Variants in VWA8 observed in about 807,000 individuals in gnomAD.
The protein encoded by VWA8 is von Willebrand factor A domain containing 8, also known as von Willebrand factor A domain-containing protein 8.
VWA8 carries 221 observed loss-of-function variants against 241.5 expected under a neutral mutation model. That is an observed-to-expected ratio of 0.91 (90% CI 0.82 to 1.02). The LOEUF is 1.02. VWA8 is among the 50% of genes least tolerant of loss of function. The probability of loss-of-function intolerance (pLI) is 0.00; values close to 1 mark genes in which losing one functional copy is unlikely to be tolerated. For synonymous variants in VWA8, 852 were observed against 827.1 expected (o/e 1.03, Z -0.52); for missense variants, 2,322 against 2,328.7 (o/e 1.00, Z 0.06).
At chr13:41,579,061 G>T (rs2044366895) in intron 42 of VWA8, among the ~76,000 whole-genome samples, 2 of 152,184 alleles carry the variant, frequency 1.3e-5, no homozygotes, top group African/African-American at 4.8e-5. Context: ...AGGACAAAGT[G>T]CTATTAGCAA....
intron 21 of VWA8, among the ~76,000 whole-genome samples, chr13:41,739,852 TTTTTG>T (rs1279937559): frequency 1.7e-5 from 1 of 58,612 alleles, no homozygotes; most frequent in South Asian, 7.1e-4. Flanking sequence ...TTTTTTGTTT[TTTTTG>T]TTTTTTTTTT....
At chr13:41,594,762 T>C (rs549618312) in intron 40 of VWA8, among the ~76,000 whole-genome samples, 58 of 152,208 alleles carry the variant, frequency 3.8e-4, no homozygotes, top group African/African-American at 1.3e-3. Flanking sequence ...CTTAAACAAT[T>C]CAAAAACATT....
intron 21 of VWA8, among the ~76,000 whole-genome samples, chr13:41,741,785 T>C (rs906668422): frequency 1.3e-5 from 2 of 152,196 alleles, no homozygotes; most frequent in Non-Finnish European, 2.9e-5. Flanking sequence ...TCACAGACCC[T>C]AATCCTGGGA....
intron 37 of VWA8, among the ~76,000 whole-genome samples, chr13:41,627,407 G>A (rs996292667): frequency 3.9e-5 from 6 of 152,172 alleles, no homozygotes; most frequent in Admixed American, 3.3e-4. Flanking sequence ...ACCCTCCACC[G>A]TTAACATATT....
chr13:41,854,336 C>T (rs1872652107), intron 12 of VWA8, among the ~76,000 whole-genome samples: 1 of 151,888 alleles, frequency 6.6e-6, no homozygotes, highest in Admixed American at 6.6e-5. Context: ...TCCTGACCAA[C>T]CAAAGGAACA....
chr13:41,929,044 A>G (rs1264421899), intron 2 of VWA8, among the ~76,000 whole-genome samples: 1 of 152,140 alleles, frequency 6.6e-6, no homozygotes, highest in Non-Finnish European at 1.5e-5. Flanking sequence ...CTTCACAGAT[A>G]GAAAAAACAA....
At chr13:41,808,567 T>A (rs552261816) in intron 17 of VWA8, among the ~76,000 whole-genome samples, 1 of 152,044 alleles carries the variant, frequency 6.6e-6, no homozygotes, top group South Asian at 2.1e-4. Flanking sequence ...GATCCAGTCA[T>A]CTCCCACCAG....
intron 37 of VWA8, among the ~76,000 whole-genome samples, chr13:41,660,823 A>T (rs756213848): frequency 6.6e-6 from 1 of 152,188 alleles, no homozygotes; most frequent in Non-Finnish European, 1.5e-5. Flanking sequence ...CTATTCATCA[A>T]AGGAAAGAGT....
At chr13:41,859,313 G>C (rs1046596982) in intron 12 of VWA8, among the ~76,000 whole-genome samples, 1 of 152,132 alleles carries the variant, frequency 6.6e-6, no homozygotes, top group Non-Finnish European at 1.5e-5. Flanking sequence ...TAAACAAGAA[G>C]TGAGGACTGC....
chr13:41,719,371 T>C, intron 26 of VWA8: 9 of 1,367,240 alleles, frequency 6.6e-6, no homozygotes, highest in Non-Finnish European at 8.5e-6. Flanking sequence ...ATTTATTACA[T>C]CTACTCATGG....
At chr13:41,806,800 C>G (rs1447258780) in intron 17 of VWA8, among the ~76,000 whole-genome samples, 3 of 151,784 alleles carry the variant, frequency 2.0e-5, no homozygotes, top group Non-Finnish European at 4.4e-5. Flanking sequence ...ATTGCTTGAT[C>G]CCTGGAAGGG....
At chr13:41,582,403 C>T (rs565374359) in intron 42 of VWA8, among the ~76,000 whole-genome samples, 5 of 152,230 alleles carry the variant, frequency 3.3e-5, no homozygotes, top group South Asian at 2.1e-4. Context: ...GAGCACAGAC[C>T]AGGCCAGCGG....
intron 37 of VWA8, among the ~76,000 whole-genome samples, chr13:41,618,960 C>T (rs934563061): frequency 1.2e-4 from 19 of 152,146 alleles, no homozygotes; most frequent in African/African-American, 4.6e-4. Flanking sequence ...AATGTGGGCT[C>T]TTTTTTGTTT....
At chr13:41,767,398 G>C (rs112934264) in intron 20 of VWA8, among the ~76,000 whole-genome samples, 475 of 152,160 alleles carry the variant, frequency 3.1e-3, no homozygotes, top group African/African-American at 9.9e-3. Context: ...GCTTAGATTT[G>C]CTCATTTGAA....
chr13:41,638,466 G>A (rs1395856386), intron 37 of VWA8, among the ~76,000 whole-genome samples: 1 of 152,162 alleles, frequency 6.6e-6, no homozygotes, highest in East Asian at 1.9e-4. Context: ...ATCAGTGAAG[G>A]AGACTGAGAA....
chr13:41,741,152 T>C (rs546953475), intron 21 of VWA8, among the ~76,000 whole-genome samples: 6 of 152,174 alleles, frequency 3.9e-5, no homozygotes, highest in Non-Finnish European at 8.8e-5. Context: ...CACCAGCAAC[T>C]ATAGATAAAC....
intron 2 of VWA8, among the ~76,000 whole-genome samples, chr13:41,945,466 A>T (rs1487516802): frequency 6.6e-6 from 1 of 152,220 alleles, no homozygotes; most frequent in Non-Finnish European, 1.5e-5. Context: ...CATTTGACTA[A>T]GTAGAAAAAC....
At chr13:41,945,224 G>A (rs980960686) in intron 2 of VWA8, among the ~76,000 whole-genome samples, 2 of 151,824 alleles carry the variant, frequency 1.3e-5, no homozygotes, top group East Asian at 1.9e-4. Flanking sequence ...TGACCACTAA[G>A]CTAACAAGGC....
intron 17 of VWA8, among the ~76,000 whole-genome samples, chr13:41,799,383 G>A (rs1032016595): frequency 6.6e-6 from 1 of 152,064 alleles, no homozygotes; most frequent in Non-Finnish European, 1.5e-5. Context: ...CTTTACAGAC[G>A]GCATCAACAT....
Sources: allele counts gnomAD v4.1 joint callset (sites outside exome capture counted in the v4.1 genomes callset), GRCh38; gene constraint gnomAD v4.1.1; transcripts MANE v1.5; gene names NCBI Gene and HGNC (gene_info 2026-07-23, HGNC 2026-07-21).